MAP2K4: variants seen among roughly 807,000 people sequenced by gnomAD.
MAP2K4 encodes mitogen-activated protein kinase kinase 4.
In MAP2K4, 4 loss-of-function variants were observed where a neutral mutation model predicts 48.5. The observed-to-expected ratio is 0.08, with a 90% confidence interval of 0.04 to 0.19. The LOEUF (loss-of-function observed/expected upper bound fraction) is 0.19, where lower values mean the gene tolerates loss of function less well. Among genes scored for constraint, MAP2K4 ranks in the 10% least tolerant of loss-of-function variants. The pLI is 1.00. For missense variants in MAP2K4, 258 were observed against 493.3 expected (o/e 0.52, Z 4.52); for synonymous variants, 166 against 173.1 (o/e 0.96, Z 0.32).
chr17:12,042,694 G>A (rs1023129116), intron 1 of MAP2K4, among the ~76,000 whole-genome samples: 3 of 151,940 alleles, frequency 2.0e-5, no homozygotes, highest in Non-Finnish European at 4.4e-5. Flanking sequence ...AAAGAAGGAA[G>A]GTAGACTCTC....
chr17:12,032,829 A>C (rs1350390476), intron 1 of MAP2K4, among the ~76,000 whole-genome samples: 2 of 152,302 alleles, frequency 1.3e-5, no homozygotes, highest in East Asian at 3.9e-4. Context: ...TATCAAAAAA[A>C]AAGTTATAAA....
rs377437449 is a variant in MAP2K4 at position 12,129,127 on chromosome 17, T to C, written c.892-12T>C. Reference sequence around the variant, plus strand: ...CTGGTGTATTTTGCTCTTTCCTCTTTGTTCTCTTTAGTATGAGTTGGCCAC... The same window carrying C: ...CTGGTGTATTTTGCTCTTTCCTCTTCGTTCTCTTTAGTATGAGTTGGCCAC... On this transcript the variant is annotated splice_polypyrimidine_tract_variant and intron_variant, in intron 8 of 10. Transcript: ENST00000353533. 10 of 1,612,712 alleles carry C rather than the reference T, an allele frequency of 6.2e-6. No individual in the cohort carries two copies. In the African/African-American group the frequency reaches 8.0e-5, roughly 13 times the overall value.
chr17:12,118,128 C>T (rs1310390275), intron 7 of MAP2K4, among the ~76,000 whole-genome samples: 1 of 152,130 alleles, frequency 6.6e-6, no homozygotes, highest in Non-Finnish European at 1.5e-5. Flanking sequence ...GGTGATAAAG[C>T]ATCTGCTGAT....
chr17:12,122,129 A>G (rs1263936826), intron 7 of MAP2K4, among the ~76,000 whole-genome samples: 1 of 152,248 alleles, frequency 6.6e-6, no homozygotes, highest in Admixed American at 6.5e-5. Context: ...TCTTAAGCAG[A>G]TAGCTACAGA....
rs551251019 is a variant in MAP2K4, at chr17:12,078,602, CTT to C, written c.219-2746_219-2745del. Reference sequence around the variant, plus strand: ...GATATCCCAAGGAAAAGTCAGGGAACTTTTTTTTTCTTTAAGAGTATAATTGT... The same window carrying C: ...GATATCCCAAGGAAAAGTCAGGGAACTTTTTTTCTTTAAGAGTATAATTGT... On this transcript the variant is annotated intron_variant, in intron 2 of 10. Coordinates refer to ENST00000353533, the MANE Select transcript of MAP2K4 (RefSeq NM_003010.4). Among the ~76,000 whole-genome samples the C allele has an allele frequency of 2.8e-3, 429 of 151,758 alleles. 1 individual carries two copies. The highest frequency in any genetic ancestry group is 6.6e-3 in the African/African-American group (271 of 41,354).
At chr17:12,065,275 A>ATTATT (rs939449325) in intron 2 of MAP2K4, among the ~76,000 whole-genome samples, 1 of 142,596 alleles carries the variant, frequency 7.0e-6, no homozygotes, top group Non-Finnish European at 1.5e-5. Context: ...TATTATTATT[A>ATTATT]TTATTATTAT....
intron 1 of MAP2K4, among the ~76,000 whole-genome samples, chr17:12,023,620 G>A (rs28918082): frequency 0.04 from 6,079 of 152,260 alleles, 395 homozygotes; most frequent in African/African-American, 0.14. Flanking sequence ...CTCTTATGTG[G>A]TAAGCACTGT....
intron 1 of MAP2K4, among the ~76,000 whole-genome samples, chr17:12,050,693 T>A (rs1270018385): frequency 6.6e-6 from 1 of 152,138 alleles, no homozygotes; most frequent in Non-Finnish European, 1.5e-5. Context: ...TTAAAAAGGT[T>A]TGTATTGCTT....
chr17:12,108,988 A>G (rs1371892932), intron 5 of MAP2K4, among the ~76,000 whole-genome samples: 1 of 152,086 alleles, frequency 6.6e-6, no homozygotes, highest in Non-Finnish European at 1.5e-5. Context: ...AATAATTATA[A>G]TAATAGAAAA....
intron 7 of MAP2K4, among the ~76,000 whole-genome samples, chr17:12,116,670 A>G (rs1972505400): frequency 1.3e-5 from 2 of 152,176 alleles, no homozygotes; most frequent in South Asian, 2.1e-4. Context: ...AGGCCTATAC[A>G]TGGGCGCGAT....
Position 12,087,854 on chromosome 17 carries a change from T to C in MAP2K4, c.393+6324T>C, listed in dbSNP as rs574231904. On this transcript the variant is annotated intron_variant, in intron 3 of 10. Coordinates refer to ENST00000353533, the MANE Select transcript of MAP2K4 (RefSeq NM_003010.4). ...TAGATAATTTGCTTGCTTCTTTTGCTGTTTGTTTTGGTTAATGTTGCCATC... is the reference window on the plus strand; with the variant it reads ...TAGATAATTTGCTTGCTTCTTTTGCCGTTTGTTTTGGTTAATGTTGCCATC... Among the ~76,000 whole-genome samples the C allele has an allele frequency of 1.3e-3, 194 of 152,242 alleles. 1 individual carries two copies. Among genetic ancestry groups the C allele is most frequent in the African/African-American group, 4.2e-3 (174 of 41,546 alleles).
In MAP2K4 at chr17:12,099,990, C is replaced by G. The variant is rs564187694; in HGVS notation, c.513+4296C>G. ...TGCTGGCTGAAGCAAGTTACCTCCCCCTTTTTTATCCTTACTTCCACCCCT... is the reference window on the plus strand; with the variant it reads ...TGCTGGCTGAAGCAAGTTACCTCCCGCTTTTTTATCCTTACTTCCACCCCT... On this transcript the variant is annotated intron_variant, in intron 4 of 10. Coordinates refer to ENST00000353533, the MANE Select transcript of MAP2K4 (RefSeq NM_003010.4). Among the ~76,000 whole-genome samples the G allele has an allele frequency of 2.6e-5, 4 of 152,276 alleles. No homozygotes were observed. In the South Asian group the frequency reaches 8.3e-4, roughly 32 times the overall value.
chr17:12,139,738 G>T, intron 9 of MAP2K4, 101 bp from the exon 10 acceptor site: 2 of 808,556 alleles, frequency 2.5e-6, no homozygotes, highest in Non-Finnish European at 4.0e-6. Context: ...GGATCTGAAG[G>T]AAAGAACTAT....
At chr17:12,056,281 C>T (rs182567064) in intron 2 of MAP2K4, among the ~76,000 whole-genome samples, 7 of 152,068 alleles carry the variant, frequency 4.6e-5, no homozygotes, top group Admixed American at 2.6e-4. Context: ...AGGAGAAAGA[C>T]AACCTGACTT....
intron 1 of MAP2K4, among the ~76,000 whole-genome samples, chr17:12,046,740 A>T (rs569879769): frequency 6.6e-6 from 1 of 152,296 alleles, no homozygotes; most frequent in African/African-American, 2.4e-5. Flanking sequence ...AGTTTCTGTT[A>T]ATAGGTTTAA....
intron 9 of MAP2K4, among the ~76,000 whole-genome samples, chr17:12,132,027 A>G (rs1218394930): frequency 6.6e-6 from 1 of 152,210 alleles, no homozygotes; most frequent in Non-Finnish European, 1.5e-5. Context: ...GGTCAGAACT[A>G]CAGTGAAATA....
Position 12,142,836 on chromosome 17 carries a change from A to G in MAP2K4, c.*1576A>G, listed in dbSNP as rs944594322. On this transcript the variant is annotated 3_prime_UTR_variant, in exon 11 of 11. Coordinates refer to ENST00000353533, the MANE Select transcript of MAP2K4 (RefSeq NM_003010.4). ...AACCTTAGGCTTTGTATGACAGTGAAGCAGCACTGTGAGTGGTTCAAGCAC... is the reference window on the plus strand; with the variant it reads ...AACCTTAGGCTTTGTATGACAGTGAGGCAGCACTGTGAGTGGTTCAAGCAC... 7.7e-5 allele frequency: 18 copies of G among 232,656 alleles called. No individual in the cohort carries two copies. The highest frequency in any genetic ancestry group is 3.4e-4 in the Admixed American group (6 of 17,764). The allele number at this position is 232,656 out of a possible 1,614,324, so 14.4% of individuals were successfully genotyped here.
chr17:12,079,254 A>G (rs1457110516), intron 2 of MAP2K4, among the ~76,000 whole-genome samples: 1 of 152,206 alleles, frequency 6.6e-6, no homozygotes, highest in Non-Finnish European at 1.5e-5. Flanking sequence ...TTTAAAAAGA[A>G]ACTACAGTGA....
chr17:12,057,171 C>A (rs1461907476), intron 2 of MAP2K4, among the ~76,000 whole-genome samples: 1 of 151,994 alleles, frequency 6.6e-6, no homozygotes, highest in Non-Finnish European at 1.5e-5. Flanking sequence ...TGACAATTGG[C>A]TGTCGTAATT....
Sources: allele counts gnomAD v4.1 joint callset (sites outside exome capture counted in the v4.1 genomes callset), GRCh38; gene constraint gnomAD v4.1.1; transcripts MANE v1.5; gene names NCBI Gene and HGNC (gene_info 2026-07-23, HGNC 2026-07-21).